Variants in KDM5B observed in about 807,000 individuals in gnomAD.
KDM5B encodes the protein lysine demethylase 5B, also known as lysine-specific demethylase 5B.
In KDM5B, 144 loss-of-function variants were observed where a neutral mutation model predicts 193.4. That is an observed-to-expected ratio of 0.74 (90% CI 0.65 to 0.86). KDM5B has a LOEUF of 0.86. Among genes scored for constraint, KDM5B ranks in the 40% least tolerant of loss-of-function variants. The pLI, the probability that KDM5B is intolerant of heterozygous loss-of-function variation, is 0.00. For synonymous variants in KDM5B, 668 were observed against 682.6 expected (o/e 0.98, Z 0.33); for missense variants, 1,833 against 1,886.9 (o/e 0.97, Z 0.53).
intron 14 of KDM5B, among the ~76,000 whole-genome samples, chr1:202,747,580 A>AAAC (rs1386678211): frequency 6.6e-6 from 1 of 151,842 alleles, no homozygotes; most frequent in African/African-American, 2.4e-5. Context: ...AAAAAAAAAA[A>AAAC]AAAAAACAGT....
At position 202,744,513 on chromosome 1, in the gene KDM5B, G is replaced by A. The variant is rs144998376; in HGVS notation, c.2323+1345C>T. On this transcript the variant is annotated intron_variant, in intron 16 of 26. Coordinates refer to ENST00000367265, the MANE Select transcript of KDM5B (RefSeq NM_006618.5). ...GTGGAGGTTGCAGTGAGCCGAGATC[G>A]CACCACTGCACTCCAGTCTGGGTGA... 6.0e-3 allele frequency among the ~76,000 whole-genome samples: 908 copies of A among 152,032 alleles called. 9 individuals are homozygous for A. The highest frequency in any genetic ancestry group is 0.021 in the African/African-American group (878 of 41,460).
intron 10 of KDM5B, 69 bp downstream of exon 10, chr1:202,756,289 A>T: frequency 7.8e-7 from 1 of 1,277,512 alleles, no homozygotes; most frequent in Non-Finnish European, 1.1e-6. Flanking sequence ...AAGTAATCAT[A>T]AGTTACTTCA....
chr1:202,800,490 G>A (rs1397274805), intron 1 of KDM5B, among the ~76,000 whole-genome samples: 1 of 152,060 alleles, frequency 6.6e-6, no homozygotes, highest in Non-Finnish European at 1.5e-5. Context: ...ACAGGTGCAC[G>A]TCACCATTCC....
In KDM5B at chr1:202,773,139, G is replaced by A. The variant is rs979824023; in HGVS notation, c.555C>T (p.Phe185=). The A allele has an allele frequency of 1.2e-6, 2 of 1,613,230 alleles. No individual in the cohort carries two copies. Among genetic ancestry groups the A allele is most frequent in the Admixed American group, 1.7e-5 (1 of 59,998 alleles). ...YERILNPYNL[F]LSGDSLRCLQ... is the part of the protein sequence containing the mutation. ...TTACCCTTAGGCTGTCTCCGGACAG[G>A]AATAAGTTGTAGGGGTTGAGAATTC... The change falls in exon 4 of 27, where the codon TTC becomes TTT. Residue 185 remains phenylalanine, a synonymous_variant. Coordinates refer to ENST00000367265, the MANE Select transcript of KDM5B (RefSeq NM_006618.5).
At chr1:202,759,386 CA>C (rs1656148374) in intron 8 of KDM5B, among the ~76,000 whole-genome samples, 1 of 151,718 alleles carries the variant, frequency 6.6e-6, no homozygotes, top group African/African-American at 2.4e-5. Context: ...CTAAAAAATA[CA>C]AAAATTAGCT....
At chr1:202,804,775 C>T (rs1241904819) in intron 1 of KDM5B, among the ~76,000 whole-genome samples, 5 of 149,848 alleles carry the variant, frequency 3.3e-5, no homozygotes. Flanking sequence ...TTTGGGAGGC[C>T]GAGGCGCATG....
chr1:202,784,576 A>T (rs1327171093), intron 1 of KDM5B, among the ~76,000 whole-genome samples: 2 of 152,206 alleles, frequency 1.3e-5, no homozygotes, highest in African/African-American at 4.8e-5. Flanking sequence ...TATGCCCTTA[A>T]AACACCTGCA....
chr1:202,801,461 T>C (rs72752719), intron 1 of KDM5B, among the ~76,000 whole-genome samples: 11,782 of 152,222 alleles, frequency 0.077, 652 homozygotes, highest in Middle Eastern at 0.12. Flanking sequence ...CCTACAATTA[T>C]GGAACTGAAA....
intron 8 of KDM5B, among the ~76,000 whole-genome samples, chr1:202,759,569 A>T (rs1001763555): frequency 4.2e-5 from 6 of 143,670 alleles, no homozygotes; most frequent in Admixed American, 2.1e-4. Flanking sequence ...AAAAAAAAAA[A>T]TCCTCATGAA....
rs188446534 is a variant in KDM5B, at chr1:202,802,462, G to T, written c.204+5640C>A. ...GGCTAGAGTGCAATGGAGTGATCTC[G>T]GCTCACTGCAACCTCTGCCTCCTGG... On this transcript the variant is annotated intron_variant, in intron 1 of 26. Transcript: ENST00000367265. Among the ~76,000 whole-genome samples the T allele has an allele frequency of 4.6e-3, 694 of 152,072 alleles. 4 individuals are homozygous for T. Among genetic ancestry groups the T allele is most frequent in the Non-Finnish European group, 6.0e-3 (408 of 68,000 alleles).
chr1:202,750,689 A>G lies in KDM5B; in HGVS notation c.1791T>C (p.Ala597=). 1 of 1,614,020 alleles carries G rather than the reference A, an allele frequency of 6.2e-7. No homozygotes were observed. Among genetic ancestry groups the G allele is most frequent in the Non-Finnish European group, 8.5e-7 (1 of 1,179,858 alleles). ...HSGFNQGFNF[A]EAVNFCTVDW... ...CAACAGTGCAGAAGTTAACAGCCTC[A>G]GCAAAATTAAAACCCTGGTTAAAAC... Residue 597 remains alanine, a synonymous_variant, in exon 13 of 27, where the codon GCT becomes GCC. Transcript: ENST00000367265.
At chr1:202,781,935 T>C (rs983930984) in intron 1 of KDM5B, among the ~76,000 whole-genome samples, 16 of 152,214 alleles carry the variant, frequency 1.1e-4, no homozygotes, top group African/African-American at 3.9e-4. Flanking sequence ...ATTATAAAGA[T>C]ATTTGATGTT....
chr1:202,739,773 G>GA (rs1384808076), intron 20 of KDM5B, among the ~76,000 whole-genome samples: 1 of 152,196 alleles, frequency 6.6e-6, no homozygotes, highest in Non-Finnish European at 1.5e-5. Context: ...ACATGTTTCA[G>GA]AGAGCACAGG....
At chr1:202,730,068 C>T (rs757921386) in intron 25 of KDM5B, 41 bp from the exon 26 acceptor site, 36 of 1,497,382 alleles carry the variant, frequency 2.4e-5, no homozygotes, top group Non-Finnish European at 3.1e-5. Context: ...GCCTATGGGT[C>T]ACCTATTACT....
At chr1:202,745,394 T>A (rs1655513883) in intron 16 of KDM5B, among the ~76,000 whole-genome samples, 1 of 152,160 alleles carries the variant, frequency 6.6e-6, no homozygotes, top group South Asian at 2.1e-4. Context: ...AGGGTAGCAG[T>A]GACTTTCAAA....
chr1:202,804,303 T>C (rs1658197964), intron 1 of KDM5B, among the ~76,000 whole-genome samples: 1 of 152,182 alleles, frequency 6.6e-6, no homozygotes, highest in Non-Finnish European at 1.5e-5. Flanking sequence ...AGGATGTTTC[T>C]ACTGATAAGC....
At chr1:202,805,782 G>A (rs1367795797) in intron 1 of KDM5B, among the ~76,000 whole-genome samples, 1 of 152,104 alleles carries the variant, frequency 6.6e-6, no homozygotes. Flanking sequence ...GTTCCAACAA[G>A]ACCCCTCTTC....
At chr1:202,792,043 G>A (rs1251423925) in intron 1 of KDM5B, among the ~76,000 whole-genome samples, 2 of 152,036 alleles carry the variant, frequency 1.3e-5, no homozygotes, top group Non-Finnish European at 1.5e-5. Context: ...AATAAGTACT[G>A]AATTGAGACC....
Position 202,773,206 on chromosome 1 carries a change from G to A in KDM5B, c.488C>T (p.Pro163Leu), listed in dbSNP as rs1656794368. The A allele has an allele frequency of 5.6e-6, 9 of 1,613,904 alleles. No homozygotes were observed. The highest frequency in any genetic ancestry group is 5.9e-6 in the Non-Finnish European group (7 of 1,179,802). Reference sequence around the variant, plus strand: ...GATATGTGAGCCCACTGCTTTGCCAGGAGCAAACCCCATCTTGGTAGCAAT... The same window carrying A: ...GATATGTGAGCCCACTGCTTTGCCAAGAGCAAACCCCATCTTGGTAGCAAT... ...TKIATKMGFA[P>L]GKAVGSHIRG... The change falls in exon 4 of 27, where the codon CCT becomes CTT. Residue 163 changes from proline (P) to leucine (L), a missense_variant. Transcript: ENST00000367265.
Sources: allele counts gnomAD v4.1 joint callset (sites outside exome capture counted in the v4.1 genomes callset), GRCh38; gene constraint gnomAD v4.1.1; transcripts MANE v1.5; gene names NCBI Gene and HGNC (gene_info 2026-07-23, HGNC 2026-07-21).